The following DIAPH2 variants were observed in gnomAD, a reference collection of about 807,000 sequenced individuals.
The protein encoded by DIAPH2 is protein diaphanous homolog 2.
DIAPH2 carries 35 observed loss-of-function variants against 92.7 expected under a neutral mutation model. That is an observed-to-expected ratio of 0.38 (90% CI 0.29 to 0.50). The LOEUF is 0.50. Among genes scored for constraint, DIAPH2 ranks in the 20% least tolerant of loss-of-function variants. The pLI is 0.94. For missense variants in DIAPH2, 701 were observed against 819.5 expected, an observed-to-expected ratio of 0.86 and a Z score of 1.77; for synonymous variants, 301 against 280.4, an observed-to-expected ratio of 1.07 and a Z score of -0.73.
At chrX:97,028,994 T>C (rs2066353983) in intron 17 of DIAPH2, among the ~76,000 whole-genome samples, 1 of 111,935 alleles carries the variant, frequency 8.9e-6, no homozygotes, top group Non-Finnish European at 1.9e-5. Flanking sequence ...CTGCTTTTAA[T>C]GTTAGCCATC....
intron 26 of DIAPH2, among the ~76,000 whole-genome samples, chrX:97,598,584 G>C (rs2071570759): frequency 8.9e-6 from 1 of 111,810 alleles, no homozygotes; most frequent in Non-Finnish European, 1.9e-5. Flanking sequence ...ATTAAAGCTA[G>C]AACTATTTTC....
At chrX:96,919,523 G>A (rs756287623) in intron 9 of DIAPH2, among the ~76,000 whole-genome samples, 1 of 111,711 alleles carries the variant, frequency 9.0e-6, no homozygotes, top group East Asian at 2.8e-4. Flanking sequence ...TCAACAAAGA[G>A]AAGGTAGTTT....
rs139446089 is a variant in DIAPH2, at chrX:97,602,799, C to T, written c.*3482C>T. On this transcript the variant is annotated 3_prime_UTR_variant, in exon 27 of 27. Coordinates refer to ENST00000324765, the MANE Select transcript of DIAPH2 (RefSeq NM_006729.5). ...GTTTGCAGCTGAGAAGTTTTATCAA[C>T]GGGTTTCCTACCTGTAGAATTCTGG... 918 of 112,049 alleles carry T rather than the reference C, an allele frequency of 8.2e-3. 10 individuals are homozygous for T. The highest frequency in any genetic ancestry group is 8.5e-3 in the Non-Finnish European group (450 of 53,248). The allele number at this position is 112,049 out of a possible 1,213,427, so 9.2% of individuals were successfully genotyped here. A position where few individuals can be genotyped will look rare whatever the true frequency, so the allele number is the denominator to read the frequency against.
chrX:97,322,889 A>T (rs1337201345), intron 23 of DIAPH2, among the ~76,000 whole-genome samples: 1 of 104,537 alleles, frequency 9.6e-6, no homozygotes, highest in Non-Finnish European at 1.9e-5. Context: ...TTTATTCTTA[A>T]GTTTATCCCA....
intron 22 of DIAPH2, among the ~76,000 whole-genome samples, chrX:97,221,843 C>T (rs2067928179): frequency 9.2e-6 from 1 of 109,132 alleles, no homozygotes; most frequent in African/African-American, 3.4e-5. Context: ...TGATTTTGCT[C>T]CTTCTTTTTT....
intron 19 of DIAPH2, among the ~76,000 whole-genome samples, chrX:97,097,394 T>A (rs1436122120): frequency 2.7e-5 from 3 of 111,776 alleles, no homozygotes; most frequent in African/African-American, 9.8e-5. Context: ...AGCTTAAAAC[T>A]CATAAGATGA....
chrX:96,875,973 G>A (rs1034198495), intron 4 of DIAPH2, among the ~76,000 whole-genome samples: 15 of 111,344 alleles, frequency 1.3e-4, no homozygotes, highest in African/African-American at 4.9e-4. Flanking sequence ...AGAGTGAACA[G>A]GCAACCTACA....
chrX:97,212,021 C>T (rs1404246715), intron 22 of DIAPH2, among the ~76,000 whole-genome samples: 2 of 111,558 alleles, frequency 1.8e-5, no homozygotes, highest in African/African-American at 3.3e-5. Context: ...ACCTCCATGT[C>T]TGATAACAGG....
At chrX:96,879,755 A>C (rs2065201208) in intron 4 of DIAPH2, among the ~76,000 whole-genome samples, 1 of 110,675 alleles carries the variant, frequency 9.0e-6, no homozygotes. Context: ...GAGGAGACGG[A>C]GTCTTGCTCT....
At chrX:97,497,616 G>C (rs891512493) in intron 26 of DIAPH2, among the ~76,000 whole-genome samples, 41 of 110,551 alleles carry the variant, frequency 3.7e-4, no homozygotes, top group African/African-American at 1.4e-3. Flanking sequence ...GACCAGCCTG[G>C]CCAACATGAT....
At chrX:97,287,477 T>A (rs192347329) in intron 23 of DIAPH2, among the ~76,000 whole-genome samples, 1 of 111,021 alleles carries the variant, frequency 9.0e-6, no homozygotes, top group Non-Finnish European at 1.9e-5. Context: ...TACACACAGG[T>A]ATGCTTTTGT....
chrX:97,391,425 G>C (rs756001170), intron 25 of DIAPH2, among the ~76,000 whole-genome samples: 1 of 111,699 alleles, frequency 9.0e-6, no homozygotes, highest in South Asian at 3.8e-4. Flanking sequence ...CACCGAAAGA[G>C]AGATGATATA....
rs768783481 is a variant in DIAPH2, at chrX:97,133,638, G to A, written c.2590-8027G>A. On this transcript the variant is annotated intron_variant, in intron 21 of 26. Transcript: ENST00000324765. Reference sequence around the variant, plus strand: ...GCAACTGAGGTCAGGATTGCTTTGGGACAGGGAGCCAAGGTCCGCTGCTTT... The same window carrying A: ...GCAACTGAGGTCAGGATTGCTTTGGAACAGGGAGCCAAGGTCCGCTGCTTT... 1.8e-4 allele frequency among the ~76,000 whole-genome samples: 20 copies of A among 112,087 alleles called. No homozygotes were observed. In the South Asian group the frequency reaches 7.4e-3, roughly 42 times the overall value.
At chrX:97,214,698 G>T (rs781176189) in intron 22 of DIAPH2, among the ~76,000 whole-genome samples, 76 of 108,465 alleles carry the variant, frequency 7.0e-4, no homozygotes, top group Non-Finnish European at 4.8e-4. Flanking sequence ...GGGCAGGGTT[G>T]CGCATGCCTG....
chrX:97,134,198 T>A (rs992977236), intron 21 of DIAPH2, among the ~76,000 whole-genome samples: 2 of 111,863 alleles, frequency 1.8e-5, no homozygotes, highest in African/African-American at 6.5e-5. Context: ...GCATACTGTT[T>A]GTCTCATCTA....
At chrX:96,822,267 G>T (rs927429471) in intron 4 of DIAPH2, among the ~76,000 whole-genome samples, 1 of 111,260 alleles carries the variant, frequency 9.0e-6, no homozygotes, top group Non-Finnish European at 1.9e-5. Context: ...AATTATTATG[G>T]CATGATACAG....
At chrX:97,074,477 T>G (rs758379736) in intron 18 of DIAPH2, among the ~76,000 whole-genome samples, 4 of 112,731 alleles carry the variant, frequency 3.5e-5, no homozygotes, top group Non-Finnish European at 7.5e-5. Flanking sequence ...CTTTAAAAAA[T>G]ATGTTTAATG....
At chrX:97,062,336 A>G (rs769995735) in intron 17 of DIAPH2, among the ~76,000 whole-genome samples, 2 of 112,015 alleles carry the variant, frequency 1.8e-5, no homozygotes, top group East Asian at 5.6e-4. Flanking sequence ...GCTATTATAG[A>G]GTGTTGTGTT....
intron 5 of DIAPH2, among the ~76,000 whole-genome samples, chrX:96,911,080 C>T (rs2065466318): frequency 9.0e-6 from 1 of 111,499 alleles, no homozygotes; most frequent in South Asian, 3.8e-4. Context: ...TTTATTGGCA[C>T]ATGTGTCTTA....
Sources: allele counts gnomAD v4.1 joint callset (sites outside exome capture counted in the v4.1 genomes callset), GRCh38; gene constraint gnomAD v4.1.1; transcripts MANE v1.5; gene names NCBI Gene and HGNC (gene_info 2026-07-23, HGNC 2026-07-21).